Variants in CLIC4 observed in about 807,000 individuals in gnomAD.
CLIC4 encodes the protein CLIC family member 4, also known as chloride intracellular channel protein 4.
CLIC4 carries 13 observed loss-of-function variants against 24.6 expected under a neutral mutation model. The observed-to-expected ratio is 0.53, with a 90% CI of 0.34 to 0.84. CLIC4 has a LOEUF of 0.84. CLIC4 is among the 40% of genes least tolerant of loss of function. The pLI is 0.01. For missense variants in CLIC4, 227 were observed against 301.7 expected (o/e 0.75, Z 1.83); for synonymous variants, 104 against 111.3 (o/e 0.93, Z 0.41).
chr1:24,808,965 A>G (rs1026998665), intron 2 of CLIC4, among the ~76,000 whole-genome samples: 1 of 152,170 alleles, frequency 6.6e-6, no homozygotes, highest in African/African-American at 2.4e-5. Context: ...GACGTGAGCC[A>G]CTGCACATGG....
At chr1:24,794,351 GT>G (rs767444585) in intron 1 of CLIC4, among the ~76,000 whole-genome samples, 88 of 130,808 alleles carry the variant, frequency 6.7e-4, no homozygotes, top group East Asian at 1.1e-3. Flanking sequence ...GCCAGCATCT[GT>G]TTTTTTTTTT....
At chr1:24,807,791 A>G (rs1639568354) in intron 2 of CLIC4, among the ~76,000 whole-genome samples, 1 of 152,266 alleles carries the variant, frequency 6.6e-6, no homozygotes, top group African/African-American at 2.4e-5. Context: ...GTTCTTAAAA[A>G]AAACTGTTTG....
chr1:24,764,266 A>G (rs550805918), intron 1 of CLIC4, among the ~76,000 whole-genome samples: 70 of 152,062 alleles, frequency 4.6e-4, no homozygotes, highest in African/African-American at 1.6e-3. Context: ...ACACCCGGCT[A>G]ATTTTGTATT....
At chr1:24,793,728 A>C (rs1404806227) in intron 1 of CLIC4, among the ~76,000 whole-genome samples, 1 of 151,666 alleles carries the variant, frequency 6.6e-6, no homozygotes, top group African/African-American at 2.4e-5. Flanking sequence ...TTCTTAAACC[A>C]AGCTCTGTTG....
At chr1:24,840,574 A>G (rs1261006818) in intron 5 of CLIC4, among the ~76,000 whole-genome samples, 199 bp from the exon 6 acceptor site, 1 of 152,212 alleles carries the variant, frequency 6.6e-6, no homozygotes, top group Non-Finnish European at 1.5e-5. Context: ...TCACTGTCAC[A>G]CTTCTAAATC....
At chr1:24,774,770 C>T (rs2124105366) in intron 1 of CLIC4, among the ~76,000 whole-genome samples, 1 of 151,836 alleles carries the variant, frequency 6.6e-6, no homozygotes, top group Middle Eastern at 3.4e-3. Flanking sequence ...CAGAGCGGGA[C>T]CTTGTCTGAA....
intron 4 of CLIC4, among the ~76,000 whole-genome samples, chr1:24,830,363 T>C (rs1158213382): frequency 7.9e-5 from 12 of 152,166 alleles, no homozygotes; most frequent in Non-Finnish European, 1.8e-4. Flanking sequence ...AATATAGATC[T>C]ACCTCAATTT....
chr1:24,840,117 C>A, intron 5 of CLIC4, 76 bp downstream of exon 5: 2 of 1,357,386 alleles, frequency 1.5e-6, no homozygotes, highest in South Asian at 1.4e-5. Context: ...CCTTTGTGCT[C>A]AAAACATTTC....
In CLIC4 at chr1:24,841,829, C is replaced by CT. The variant is rs1639946850; in HGVS notation, c.*893dup. On this transcript the variant is annotated 3_prime_UTR_variant, in exon 6 of 6. Transcript: ENST00000374379. ...CTATTTGTACATCTGTTGAGCAACA[C>CT]TACATAACTGATTTTTAGTTGACTT... 6.6e-6 allele frequency: 1 copy of CT among 152,524 alleles called. No homozygotes were observed. The allele number at this position is 152,524 out of a possible 1,614,324, so 9.4% of individuals were successfully genotyped here.
chr1:24,814,836 C>A (rs1639652610), intron 3 of CLIC4, among the ~76,000 whole-genome samples: 1 of 152,148 alleles, frequency 6.6e-6, no homozygotes. Flanking sequence ...TTATTTGTTT[C>A]TTTTAGGCTT....
At chr1:24,789,789 T>G (rs1639311702) in intron 1 of CLIC4, among the ~76,000 whole-genome samples, 1 of 152,144 alleles carries the variant, frequency 6.6e-6, no homozygotes, top group Non-Finnish European at 1.5e-5. Context: ...ATCTTCTATT[T>G]TTTTTGCTGA....
chr1:24,808,843 AT>A (rs900575584), intron 2 of CLIC4, among the ~76,000 whole-genome samples: 1 of 151,310 alleles, frequency 6.6e-6, no homozygotes, highest in African/African-American at 2.4e-5. Flanking sequence ...CGCCTGACTA[AT>A]TTTTTTTATT....
intron 3 of CLIC4, among the ~76,000 whole-genome samples, chr1:24,821,299 G>A (rs1639728839): frequency 6.6e-6 from 1 of 152,132 alleles, no homozygotes; most frequent in Non-Finnish European, 1.5e-5. Flanking sequence ...TGGATTCTTA[G>A]CATCTAATGC....
chr1:24,783,481 C>T (rs907481473), intron 1 of CLIC4, among the ~76,000 whole-genome samples: 3 of 152,026 alleles, frequency 2.0e-5, no homozygotes, highest in Non-Finnish European at 2.9e-5. Context: ...GCAGATGGAT[C>T]GCCTGAGGTC....
At chr1:24,803,968 T>C (rs1639518560) in intron 2 of CLIC4, among the ~76,000 whole-genome samples, 1 of 152,214 alleles carries the variant, frequency 6.6e-6, no homozygotes, top group South Asian at 2.1e-4. Flanking sequence ...CTGATAGTTC[T>C]GCATATCTTA....
chr1:24,761,004 G>A (rs941133964), intron 1 of CLIC4, among the ~76,000 whole-genome samples: 3 of 152,082 alleles, frequency 2.0e-5, no homozygotes, highest in Non-Finnish European at 4.4e-5. Flanking sequence ...CTTGGAATAA[G>A]GTGGGAAGTT....
chr1:24,820,233 C>T (rs1467815390), intron 3 of CLIC4, among the ~76,000 whole-genome samples: 3 of 137,742 alleles, frequency 2.2e-5, no homozygotes, highest in East Asian at 2.1e-4. Context: ...CACAGGCATG[C>T]ACCCTATGTC....
At chr1:24,840,686 T>A in intron 5 of CLIC4, 87 bp from the exon 6 acceptor site, 1 of 1,115,940 alleles carries the variant, frequency 9.0e-7, no homozygotes, top group Non-Finnish European at 1.3e-6. Flanking sequence ...ATTTAGAGCA[T>A]TAATTATTTG....
intron 1 of CLIC4, among the ~76,000 whole-genome samples, chr1:24,781,788 T>G (rs745997259): frequency 1.9e-4 from 29 of 151,826 alleles, no homozygotes; most frequent in Non-Finnish European, 3.5e-4. Flanking sequence ...GTAGCTGGGA[T>G]TACAGGTGCC....
Sources: gnomAD v4.1 joint callset for allele counts (sites outside exome capture counted in the v4.1 genomes callset) on GRCh38, gnomAD v4.1.1 for gene constraint, MANE v1.5 for transcripts, NCBI Gene and HGNC (gene_info 2026-07-23, HGNC 2026-07-21) for gene names.